PTPRN2: variants seen among roughly 807,000 people sequenced by gnomAD.
PTPRN2 encodes the protein protein tyrosine phosphatase receptor type N2.
A neutral mutation model predicts 118.8 loss-of-function variants in PTPRN2; 74 were observed. The ratio of observed to expected loss-of-function variants is 0.62; its 90% CI spans 0.52 to 0.76. PTPRN2 has a LOEUF of 0.76. Among genes scored for constraint, PTPRN2 ranks in the 30% least tolerant of loss-of-function variants. The pLI is 0.00. For missense variants in PTPRN2, 1,481 were observed against 1,394.4 expected (o/e 1.06, Z -0.99); for synonymous variants, 641 against 608.0 (o/e 1.05, Z -0.80).
chr7:158,239,303 G>A lies in PTPRN2; in HGVS notation c.278-34030C>T, dbSNP rs117769101. Among the ~76,000 whole-genome samples, 165 of 152,292 alleles carry A rather than the reference G, an allele frequency of 1.1e-3. 1 individual carries two copies. In the East Asian group the frequency reaches 0.026, roughly 24 times the overall value. ...CAGTTCTCTCTGTTGGAGCAGACGCGACCTCCAGCTCTAACCAAGACTCTC... is the reference window on the plus strand; with the variant it reads ...CAGTTCTCTCTGTTGGAGCAGACGCAACCTCCAGCTCTAACCAAGACTCTC... On this transcript the variant is annotated intron_variant, in intron 3 of 22. Coordinates refer to ENST00000389418, the MANE Select transcript of PTPRN2 (RefSeq NM_002847.5).
At chr7:157,549,098 G>A (rs565196322) in intron 21 of PTPRN2, 79 bp from the exon 22 acceptor site, 10 of 1,390,742 alleles carry the variant, frequency 7.2e-6, no homozygotes, top group East Asian at 4.6e-5. Context: ...TGCTAGCCAC[G>A]TTCCCTCTGG....
At chr7:158,265,738 T>C (rs1320118199) in intron 3 of PTPRN2, among the ~76,000 whole-genome samples, 1 of 152,010 alleles carries the variant, frequency 6.6e-6, no homozygotes, top group Non-Finnish European at 1.5e-5. Flanking sequence ...CAGCTGGAAA[T>C]GAATGAGCAG....
chr7:157,626,440 G>A (rs923502403), intron 14 of PTPRN2, among the ~76,000 whole-genome samples: 38 of 152,122 alleles, frequency 2.5e-4, no homozygotes, highest in Admixed American at 2.5e-3. Context: ...GTAATGAACC[G>A]ACCCAGACTT....
chr7:158,169,799 C>G (rs896017762), intron 5 of PTPRN2, among the ~76,000 whole-genome samples: 102 of 152,124 alleles, frequency 6.7e-4, no homozygotes, highest in African/African-American at 2.4e-3. Context: ...TCAAGCGACT[C>G]TCCTGCTTCA....
At chr7:158,205,114 T>C (rs1312997446) in intron 4 of PTPRN2, 57 bp downstream of exon 4, 1 of 1,338,504 alleles carries the variant, frequency 7.5e-7, no homozygotes, top group Non-Finnish European at 1.1e-6. Context: ...ATAATAAGTG[T>C]AATGGCTATG....
At position 157,617,621 on chromosome 7, in the gene PTPRN2, C is replaced by T. The variant is rs1234857077; in HGVS notation, c.2344+3741G>A. 1 of 152,344 alleles carries T rather than the reference C, an allele frequency of 6.6e-6. No individual in the cohort carries two copies. The highest frequency in any genetic ancestry group is 1.9e-4 in the East Asian group (1 of 5,202). 9.4% of individuals were successfully genotyped at this position (152,344 alleles called of 1,614,324 possible). On this transcript the variant is annotated intron_variant, in intron 15 of 22. Transcript: ENST00000389418. This position sits in a 1 kb window ranked among gnomAD's most constrained non-coding sequence, Gnocchi z 7.5. ...CGCAGGGCCAGTGTGGTGACCCTGA[C>T]TCCTGGGAACGGTGATCAGCTGGGC...
At chr7:158,548,581 T>C (rs1444082298) in intron 1 of PTPRN2, among the ~76,000 whole-genome samples, 12 of 152,232 alleles carry the variant, frequency 7.9e-5, no homozygotes, top group Admixed American at 7.9e-4. Context: ...TTCATGACTT[T>C]CTCTTTCTTA....
At chr7:158,327,724 C>T (rs1803767211) in intron 2 of PTPRN2, among the ~76,000 whole-genome samples, 1 of 152,190 alleles carries the variant, frequency 6.6e-6, no homozygotes, top group Non-Finnish European at 1.5e-5. Flanking sequence ...CCCTCAGGAC[C>T]CTGCCTCTCT....
rs745320660 is a variant in PTPRN2, at chr7:157,682,952, G to A, written c.1789-15C>T. 1 of 1,585,840 alleles carries A rather than the reference G, an allele frequency of 6.3e-7. No individual in the cohort carries two copies. The highest frequency in any genetic ancestry group is 8.7e-7 in the Non-Finnish European group (1 of 1,155,742). On this transcript the variant is annotated splice_polypyrimidine_tract_variant and intron_variant, in intron 12 of 22. Coordinates refer to ENST00000389418, the MANE Select transcript of PTPRN2 (RefSeq NM_002847.5). ...AGTTTGCTTTTCTGCAGAACAAGGA[G>A]AGAGGGGTGTGTTAGCTCCTGACAA...
chr7:157,753,829 A>G (rs56278627), intron 12 of PTPRN2, among the ~76,000 whole-genome samples: 6,216 of 148,992 alleles, frequency 0.042, 160 homozygotes, highest in South Asian at 0.075. Flanking sequence ...CCACCTCCCC[A>G]TCCCCCACCG....
At chr7:157,983,849 C>G (rs1803506246) in intron 11 of PTPRN2, among the ~76,000 whole-genome samples, 1 of 152,200 alleles carries the variant, frequency 6.6e-6, no homozygotes, top group Admixed American at 6.5e-5. Flanking sequence ...AGCTGTGGGT[C>G]TGGCTGTGTG....
chr7:158,285,865 C>A (rs1173820222), intron 3 of PTPRN2, among the ~76,000 whole-genome samples: 1 of 152,192 alleles, frequency 6.6e-6, no homozygotes, highest in Non-Finnish European at 1.5e-5. Flanking sequence ...GTGTCCACAC[C>A]CCTCAGAGGA....
intron 1 of PTPRN2, among the ~76,000 whole-genome samples, chr7:158,533,745 C>A (rs1197909393): frequency 1.3e-5 from 2 of 152,250 alleles, no homozygotes; most frequent in African/African-American, 2.4e-5. Context: ...CACCACACAG[C>A]ATTTACCAAG....
chr7:157,839,609 G>A (rs1320874234), intron 12 of PTPRN2, among the ~76,000 whole-genome samples: 1 of 151,700 alleles, frequency 6.6e-6, no homozygotes, highest in Non-Finnish European at 1.5e-5. Flanking sequence ...GGAGTGCAAG[G>A]GCCTGTGTGG....
chr7:158,156,672 G>C (rs767098873), intron 6 of PTPRN2, among the ~76,000 whole-genome samples: 2 of 152,212 alleles, frequency 1.3e-5, no homozygotes, highest in African/African-American at 2.4e-5. Context: ...CTGGGGCTTC[G>C]AGCCCCCAGT....
rs1270306136 is a variant in PTPRN2 at position 158,249,369 on chromosome 7, A to AAATG, written c.278-44097_278-44096insCATT. 6.1e-5 allele frequency among the ~76,000 whole-genome samples: 3 copies of AAATG among 49,276 alleles called. No homozygotes were observed. In the East Asian group the frequency reaches 2.5e-3, roughly 41 times the overall value. The allele number at this position is 49,276 out of a possible 152,430, so 32.3% of individuals were successfully genotyped here. A position where few individuals can be genotyped will look rare whatever the true frequency, so the allele number is the denominator to read the frequency against. On this transcript the variant is annotated intron_variant, in intron 3 of 22. Transcript: ENST00000389418. Reference sequence around the variant, plus strand: ...CATCACACACATGCACACCATACATACATGCATACATACACATATCTACCA... The same window carrying AAATG: ...CATCACACACATGCACACCATACATAAATGCATGCATACATACACATATCTACCA...
chr7:158,388,306 C>T (rs112356399), intron 2 of PTPRN2, among the ~76,000 whole-genome samples: 2 of 152,188 alleles, frequency 1.3e-5, no homozygotes, highest in East Asian at 1.9e-4. Context: ...CTTCTGGGCT[C>T]GGTCCCGCAA....
intron 17 of PTPRN2, among the ~76,000 whole-genome samples, chr7:157,589,774 A>T (rs1472107798): frequency 2.0e-5 from 3 of 152,240 alleles, no homozygotes; most frequent in African/African-American, 7.2e-5. Flanking sequence ...AAAGTTTAGG[A>T]TTTAAAAAGA....
chr7:158,312,707 G>A (rs952732831), intron 3 of PTPRN2, among the ~76,000 whole-genome samples: 9 of 89,598 alleles, frequency 1.0e-4, no homozygotes, highest in African/African-American at 1.3e-4. Flanking sequence ...ACTCATTCAC[G>A]TGCTCACATA....
Sources: allele counts gnomAD v4.1 joint callset (sites outside exome capture counted in the v4.1 genomes callset), GRCh38; gene constraint gnomAD v4.1.1; non-coding constraint Gnocchi (gnomAD v3.1); transcripts MANE v1.5; gene names NCBI Gene and HGNC (gene_info 2026-07-23, HGNC 2026-07-21).